DENND4C: variants seen among roughly 807,000 people sequenced by gnomAD.
DENND4C encodes the protein DENN domain containing 4C.
DENND4C carries 108 observed loss-of-function variants against 203.0 expected under a neutral mutation model. The observed-to-expected ratio is 0.53, with a 90% CI of 0.46 to 0.62. The LOEUF (loss-of-function observed/expected upper bound fraction) is 0.62. Among genes scored for constraint, DENND4C ranks in the 20% least tolerant of loss-of-function variants. The pLI, the probability that DENND4C is intolerant of heterozygous loss-of-function variation, is 0.00. For missense variants in DENND4C, 2,481 were observed against 2,301.2 expected, an observed-to-expected ratio of 1.08 and a Z score of -1.60; for synonymous variants, 871 against 792.4, an observed-to-expected ratio of 1.10 and a Z score of -1.67.
intron 10 of DENND4C, among the ~76,000 whole-genome samples, chr9:19,314,690 A>C (rs1841434500): frequency 6.6e-6 from 1 of 152,206 alleles, no homozygotes; most frequent in African/African-American, 2.4e-5. Context: ...CTAAAGAAAA[A>C]TAATACAAAA....
Position 19,296,043 on chromosome 9 carries a change from C to A in DENND4C, c.837C>A (p.Tyr279Ter). The change falls in exon 6 of 33, where the codon TAC (tyrosine) becomes TAA (stop). Residue 279 changes from tyrosine (Y) to a stop codon, truncating the protein, a stop_gained. Coordinates refer to ENST00000434457, the MANE Select transcript of DENND4C (RefSeq NM_001330640.2). LOFTEE classifies it high-confidence loss of function. ...YGAAIQFYEP[Y>*]SRELLSEKQL... ...CTGCCATTCAGTTTTATGAACCTTACTCTCGGGAACTTCTATCAGAGAAAC... is the reference window on the plus strand; with the variant it reads ...CTGCCATTCAGTTTTATGAACCTTAATCTCGGGAACTTCTATCAGAGAAAC... 6.2e-7 allele frequency: 1 copy of A among 1,614,054 alleles called. No homozygotes were observed. Among genetic ancestry groups the A allele is most frequent in the Non-Finnish European group, 8.5e-7 (1 of 1,179,958 alleles).
chr9:19,279,637 A>C (rs549896436), intron 2 of DENND4C, among the ~76,000 whole-genome samples: 1 of 151,840 alleles, frequency 6.6e-6, no homozygotes, highest in Non-Finnish European at 1.5e-5. Flanking sequence ...AGATTGTGCC[A>C]CTGGGCTCCA....
intron 23 of DENND4C, among the ~76,000 whole-genome samples, chr9:19,350,431 T>G (rs1823833299): frequency 6.6e-6 from 1 of 152,202 alleles, no homozygotes; most frequent in Non-Finnish European, 1.5e-5. Flanking sequence ...AATTCTGTTA[T>G]TTTATAAGAT....
chr9:19,256,332 G>A (rs1190958859), intron 1 of DENND4C, among the ~76,000 whole-genome samples: 3 of 105,628 alleles, frequency 2.8e-5, no homozygotes, highest in Non-Finnish European at 3.7e-5. Context: ...TTTTTGAGAT[G>A]GAGTTTCGCT....
At chr9:19,317,181 CT>C (rs11331413) in intron 12 of DENND4C, among the ~76,000 whole-genome samples, 24,627 of 126,884 alleles carry the variant, frequency 0.19, 2,209 homozygotes, top group Admixed American at 0.21. Context: ...GATTTGTACA[CT>C]TTTTTTTTTT....
At chr9:19,332,785 T>TC (rs1554637675) in intron 17 of DENND4C, among the ~76,000 whole-genome samples, 1 of 148,048 alleles carries the variant, frequency 6.8e-6, no homozygotes, top group Non-Finnish European at 1.5e-5. Flanking sequence ...TTTTTTTTTT[T>TC]AAGGGATGGA....
intron 2 of DENND4C, among the ~76,000 whole-genome samples, chr9:19,277,058 C>G (rs1460676253): frequency 6.6e-6 from 1 of 151,886 alleles, no homozygotes; most frequent in Non-Finnish European, 1.5e-5. Flanking sequence ...AAATGGCTAC[C>G]TTGACTCTTC....
chr9:19,315,757 G>A (rs1841723676), intron 10 of DENND4C, among the ~76,000 whole-genome samples: 1 of 150,960 alleles, frequency 6.6e-6, no homozygotes, highest in African/African-American at 2.4e-5. Context: ...CCAAGCCTGA[G>A]TGCAGTAGCG....
At chr9:19,314,002 A>C (rs1841255135) in intron 10 of DENND4C, among the ~76,000 whole-genome samples, 1 of 152,106 alleles carries the variant, frequency 6.6e-6, no homozygotes, top group South Asian at 2.1e-4. Flanking sequence ...AAATCGCTTG[A>C]ACCTGGGAGG....
intron 1 of DENND4C, among the ~76,000 whole-genome samples, chr9:19,257,059 G>T (rs10124723): frequency 6.8e-6 from 1 of 147,966 alleles, no homozygotes; most frequent in Non-Finnish European, 1.5e-5. Context: ...GACAGAGTGA[G>T]ACTCCGTCTC....
At chr9:19,237,954 A>C (rs1822442860) in intron 1 of DENND4C, among the ~76,000 whole-genome samples, 1 of 152,162 alleles carries the variant, frequency 6.6e-6, no homozygotes, top group Non-Finnish European at 1.5e-5. Context: ...GGTGGTTTCT[A>C]ACAGCTTAAA....
At chr9:19,239,756 G>A (rs977241102) in intron 1 of DENND4C, among the ~76,000 whole-genome samples, 1 of 152,106 alleles carries the variant, frequency 6.6e-6, no homozygotes, top group East Asian at 1.9e-4. Flanking sequence ...AAAGTACTGT[G>A]ATTACAGGCG....
intron 7 of DENND4C, 125 bp from the exon 8 acceptor site, chr9:19,299,104 T>C: frequency 1.5e-6 from 1 of 664,558 alleles, no homozygotes; most frequent in Non-Finnish European, 2.4e-6. Context: ...GTTTGCATAT[T>C]AAATTATTAA....
intron 18 of DENND4C, 73 bp downstream of exon 18, chr9:19,335,178 A>G: frequency 9.0e-7 from 1 of 1,115,102 alleles, no homozygotes. Flanking sequence ...TTAGTTATTC[A>G]TGAAACTCCT....
At chr9:19,259,650 C>T (rs531516012) in intron 1 of DENND4C, among the ~76,000 whole-genome samples, 8 of 151,926 alleles carry the variant, frequency 5.3e-5, no homozygotes, top group Admixed American at 1.3e-4. Context: ...GGATTACAGG[C>T]ATGTCCCACC....
At chr9:19,316,238 A>T (rs1363804530) in intron 10 of DENND4C, among the ~76,000 whole-genome samples, 179 bp from the exon 11 acceptor site, 1 of 152,248 alleles carries the variant, frequency 6.6e-6, no homozygotes, top group Non-Finnish European at 1.5e-5. Context: ...AATTTGACAG[A>T]GGTCGATTGA....
At chr9:19,332,704 C>T (rs962557051) in intron 17 of DENND4C, among the ~76,000 whole-genome samples, 1 of 150,928 alleles carries the variant, frequency 6.6e-6, no homozygotes, top group Non-Finnish European at 1.5e-5. Flanking sequence ...ACTCCTCTCT[C>T]GCCCAGGCTG....
At chr9:19,235,817 C>G (rs904774652) in intron 1 of DENND4C, among the ~76,000 whole-genome samples, 2 of 151,872 alleles carry the variant, frequency 1.3e-5, no homozygotes, top group Non-Finnish European at 2.9e-5. Flanking sequence ...TCACCGTGGT[C>G]TCGATCTTTT....
chr9:19,290,927 A>G, intron 5 of DENND4C, 51 bp downstream of exon 5: 1 of 1,547,540 alleles, frequency 6.5e-7, no homozygotes, highest in Non-Finnish European at 8.8e-7. Flanking sequence ...TTTTTATTTC[A>G]TAAAAAGGTT....
Sources: allele counts gnomAD v4.1 joint callset (sites outside exome capture counted in the v4.1 genomes callset), GRCh38; gene constraint gnomAD v4.1.1; transcripts MANE v1.5; gene names NCBI Gene and HGNC (gene_info 2026-07-23, HGNC 2026-07-21).